Variants in EFHC2 observed in about 807,000 individuals in gnomAD.
The protein encoded by EFHC2 is EF-hand domain-containing family member C2.
In EFHC2, 18 loss-of-function variants were observed where a neutral mutation model predicts 52.7. That is an observed-to-expected ratio of 0.34 (90% CI 0.24 to 0.51). The LOEUF (loss-of-function observed/expected upper bound fraction) is 0.51, where lower values mean the gene tolerates loss of function less well. Ranked by LOEUF, EFHC2 falls within the 20% of genes least tolerant of loss-of-function variation. The pLI is 0.97. For missense variants in EFHC2, 513 were observed against 562.5 expected, an observed-to-expected ratio of 0.91 and a Z score of 0.89; for synonymous variants, 203 against 204.1, an observed-to-expected ratio of 0.99 and a Z score of 0.04.
intron 4 of EFHC2, among the ~76,000 whole-genome samples, chrX:44,256,035 A>G (rs2037489441): frequency 8.9e-6 from 1 of 112,089 alleles, no homozygotes; most frequent in South Asian, 3.6e-4. Flanking sequence ...CTGGGTAAAT[A>G]ACAAAATTAA....
chrX:44,189,733 G>A (rs1392199278), intron 11 of EFHC2, among the ~76,000 whole-genome samples: 3 of 111,139 alleles, frequency 2.7e-5, no homozygotes, highest in Non-Finnish European at 5.7e-5. Context: ...TAAGCCTCTT[G>A]TTGAGTGTTA....
Position 44,227,468 on chromosome X carries a change from C to T in EFHC2, c.1751+2181G>A, listed in dbSNP as rs187230014. ...TTGAGACATCTAGACTCTTGGTCTA[C>T]GCTCTCATTTGAAGGCCATGCCATC... On this transcript the variant is annotated intron_variant, in intron 11 of 14. Transcript: ENST00000420999. Among the ~76,000 whole-genome samples the T allele has an allele frequency of 1.7e-3, 194 of 111,028 alleles. 1 individual carries two copies. Among genetic ancestry groups the T allele is most frequent in the African/African-American group, 6.1e-3 (187 of 30,517 alleles).
chrX:44,311,243 C>CCT (rs1466600522), intron 2 of EFHC2, among the ~76,000 whole-genome samples: 1 of 111,274 alleles, frequency 9.0e-6, no homozygotes, highest in African/African-American at 3.3e-5. Flanking sequence ...AGGAAGGAAG[C>CCT]CTCCCTGTGG....
chrX:44,277,620 T>G (rs1306479809), intron 2 of EFHC2, among the ~76,000 whole-genome samples: 3 of 111,749 alleles, frequency 2.7e-5, no homozygotes, highest in Admixed American at 9.6e-5. Context: ...GATAATACAT[T>G]TTGTGTTGCA....
intron 11 of EFHC2, among the ~76,000 whole-genome samples, chrX:44,220,730 G>A (rs2037187348): frequency 8.9e-6 from 1 of 111,843 alleles, no homozygotes; most frequent in Non-Finnish European, 1.9e-5. Context: ...TTTCCCTATT[G>A]TTGGGCATTT....
chrX:44,307,958 G>A (rs1224653446), intron 2 of EFHC2, among the ~76,000 whole-genome samples: 3 of 110,302 alleles, frequency 2.7e-5, no homozygotes, highest in East Asian at 2.8e-4. Flanking sequence ...ATTTTGTTTC[G>A]TTCTGAAATT....
chrX:44,214,965 C>A (rs1381461108), intron 11 of EFHC2, among the ~76,000 whole-genome samples: 1 of 111,416 alleles, frequency 9.0e-6, no homozygotes, highest in Non-Finnish European at 1.9e-5. Context: ...GAATTATAAT[C>A]CCCAGTGTTG....
rs780688887 is a variant in EFHC2 at position 44,178,470 on chromosome X, C to T, written c.1846G>A (p.Asp616Asn). 13 of 1,206,443 alleles carry T rather than the reference C, an allele frequency of 1.1e-5. No homozygotes were observed. In the South Asian group the frequency reaches 2.0e-4, roughly 18 times the overall value. ...GCCAGTGCGATTAAGAAATCCATAT[C>T]TGAACATGTGCCCTCAGGCACACGG... ...HYRVPEGTCS[D>N]MDFLIALAHE... The change falls in exon 12 of 15, where the codon GAT (aspartate) becomes AAT (asparagine). Residue 616 changes from aspartate (D) to asparagine (N), a missense_variant. Asp to Asn is a conservative substitution (Grantham distance 23, BLOSUM62 1). Coordinates refer to ENST00000420999, the MANE Select transcript of EFHC2 (RefSeq NM_025184.4).
chrX:44,273,346 T>TA (rs5902344), intron 2 of EFHC2, among the ~76,000 whole-genome samples: 15,737 of 111,571 alleles, frequency 0.14, 1,065 homozygotes, highest in Admixed American at 0.26. Context: ...GACCCCACCT[T>TA]ACACTTCGGG....
chrX:44,209,610 C>T (rs1328103798), intron 11 of EFHC2, among the ~76,000 whole-genome samples: 3 of 109,516 alleles, frequency 2.7e-5, no homozygotes, highest in Non-Finnish European at 5.7e-5. Context: ...ACAAGCTTGA[C>T]ACGAGATGTG....
chrX:44,295,279 A>G (rs772285887), intron 2 of EFHC2, among the ~76,000 whole-genome samples: 9 of 112,229 alleles, frequency 8.0e-5, no homozygotes, highest in Admixed American at 2.8e-4. Context: ...AGAAGGCATC[A>G]TGGTGGAGGT....
chrX:44,186,583 C>T (rs1317151333), intron 11 of EFHC2, among the ~76,000 whole-genome samples: 2 of 111,247 alleles, frequency 1.8e-5, no homozygotes, highest in Non-Finnish European at 3.8e-5. Flanking sequence ...ACTTGGTTCC[C>T]GATGGTTTAG....
At chrX:44,193,586 C>T (rs1274999443) in intron 11 of EFHC2, among the ~76,000 whole-genome samples, 2 of 112,016 alleles carry the variant, frequency 1.8e-5, no homozygotes, top group Non-Finnish European at 3.8e-5. Flanking sequence ...TTTAGTTTTT[C>T]TCTGCTCATG....
rs191283361 is a variant in EFHC2 at position 44,150,346 on chromosome X, G to A, written c.2149-1450C>T. The stretch of plus-strand genomic sequence containing the variant: ...GGGTATTCCAGGCATAGGGACCAGC[G>A]TAAGCAAAGGCCTGGAGATCTAAAA... On this transcript the variant is annotated intron_variant, in intron 14 of 14. Transcript: ENST00000420999. Among the ~76,000 whole-genome samples, 406 of 111,639 alleles carry A rather than the reference G, an allele frequency of 3.6e-3. 3 individuals are homozygous for A. The highest frequency in any genetic ancestry group is 0.012 in the African/African-American group (381 of 30,717).
At chrX:44,218,565 C>T (rs2037169240) in intron 11 of EFHC2, among the ~76,000 whole-genome samples, 1 of 111,923 alleles carries the variant, frequency 8.9e-6, no homozygotes, top group Admixed American at 9.5e-5. Context: ...TACTTCACAC[C>T]ATATACAAAA....
At chrX:44,275,111 A>G (rs2037646405) in intron 2 of EFHC2, among the ~76,000 whole-genome samples, 1 of 111,613 alleles carries the variant, frequency 9.0e-6, no homozygotes, top group South Asian at 3.7e-4. Flanking sequence ...GAATGACTAC[A>G]CTGGCATAGG....
chrX:44,194,684 GAATT>G lies in EFHC2; in HGVS notation c.1752-16124_1752-16121del, dbSNP rs1213458740. Among the ~76,000 whole-genome samples the G allele has an allele frequency of 3.0e-4, 33 of 111,656 alleles. 1 individual carries two copies. Among genetic ancestry groups the G allele is most frequent in the Admixed American group, 2.0e-3 (21 of 10,507 alleles). ...ATAAAATATAAGGGAAAATGAGCAC[GAATT>G]AATTAAGATCAAACAAAATGGGGGA... On this transcript the variant is annotated intron_variant, in intron 11 of 14. Transcript: ENST00000420999.
chrX:44,289,290 T>C (rs1239730986), intron 2 of EFHC2, among the ~76,000 whole-genome samples: 3 of 111,957 alleles, frequency 2.7e-5, no homozygotes, highest in Non-Finnish European at 5.6e-5. Flanking sequence ...ACTGTTTAAT[T>C]TGCTTTATCT....
chrX:44,238,291 A>G (rs1057303011), intron 8 of EFHC2, among the ~76,000 whole-genome samples: 5 of 110,970 alleles, frequency 4.5e-5, no homozygotes, highest in Admixed American at 9.6e-5. Context: ...GGATCCACTA[A>G]TTAATTTCAT....
Sources: gnomAD v4.1 joint callset for allele counts (sites outside exome capture counted in the v4.1 genomes callset) on GRCh38, gnomAD v4.1.1 for gene constraint, MANE v1.5 for transcripts, NCBI Gene and HGNC (gene_info 2026-07-23, HGNC 2026-07-21) for gene names.